Variants in STIP1 observed in about 807,000 individuals in gnomAD.
STIP1 encodes stress-induced-phosphoprotein 1.
In STIP1, 16 loss-of-function variants were observed where a neutral mutation model predicts 77.4. The ratio of observed to expected loss-of-function variants is 0.21; its 90% CI spans 0.14 to 0.31. The LOEUF (loss-of-function observed/expected upper bound fraction) is 0.31, where lower values mean the gene tolerates loss of function less well. Ranked by LOEUF, STIP1 falls within the 10% of genes least tolerant of loss-of-function variation. The probability of loss-of-function intolerance (pLI) is 1.00; values close to 1 mark genes in which losing one functional copy is unlikely to be tolerated. For synonymous variants in STIP1, 258 were observed against 246.6 expected (o/e 1.05, Z -0.44); for missense variants, 524 against 684.8 (o/e 0.77, Z 2.62).
At chr11:64,195,578 G>A (rs1946140162) in intron 4 of STIP1, 67 bp from the exon 5 acceptor site, 1 of 1,437,722 alleles carries the variant, frequency 7.0e-7, no homozygotes, top group Non-Finnish European at 9.3e-7. Flanking sequence ...TAGTAAGTGG[G>A]AGTTAAAAGA....
At chr11:64,186,331 C>CG in intron 1 of STIP1, 61 bp downstream of exon 1, 2 of 154,834 alleles carry the variant, frequency 1.3e-5, no homozygotes, top group Non-Finnish European at 2.4e-5. Context: ...GTGGCCAGGC[C>CG]GCGGTAGGGG....
chr11:64,201,192 A>G (rs529404493), intron 10 of STIP1, among the ~76,000 whole-genome samples: 1 of 152,154 alleles, frequency 6.6e-6, no homozygotes, highest in South Asian at 2.1e-4. Flanking sequence ...GGTGTGCACC[A>G]CTGTACCCAG....
chr11:64,192,875 G>A (rs1432852103), intron 1 of STIP1, among the ~76,000 whole-genome samples: 1 of 152,210 alleles, frequency 6.6e-6, no homozygotes, highest in African/African-American at 2.4e-5. Flanking sequence ...TGCAGCCTGG[G>A]CTCTTTGCCC....
chr11:64,197,783 GGT>G, intron 7 of STIP1, 69 bp from the exon 8 acceptor site: 1 of 1,584,788 alleles, frequency 6.3e-7, no homozygotes, highest in East Asian at 2.2e-5. Context: ...TCTAGCTGCA[GGT>G]GTGTTTTTCT....
intron 1 of STIP1, among the ~76,000 whole-genome samples, chr11:64,187,362 A>G (rs112215479): frequency 2.0e-5 from 3 of 151,974 alleles, no homozygotes; most frequent in African/African-American, 7.2e-5. Context: ...CTCCGGGCCC[A>G]TAACACTTGG....
At chr11:64,195,564 TTAG>T (rs1163940865) in intron 4 of STIP1, 78 bp from the exon 5 acceptor site, 1 of 1,372,298 alleles carries the variant, frequency 7.3e-7, no homozygotes, top group African/African-American at 1.5e-5. Context: ...GAATCTGACT[TTAG>T]TAGTAAGTGG....
At position 64,197,950 on chromosome 11, in the gene STIP1, A is replaced by G; in HGVS notation, c.999A>G (p.Pro333=). Residue 333 remains proline, a synonymous_variant, in exon 8 of 14, where the codon CCA becomes CCG. Transcript: ENST00000305218. ...AGTCTCTGGCAGAGCACCGAACCCC[A>G]GATGTGCTCAAGAAATGCCAGCAGG... ...YNKSLAEHRT[P]DVLKKCQQAE... 6.2e-7 allele frequency: 1 copy of G among 1,613,590 alleles called. No homozygotes were observed. Among genetic ancestry groups the G allele is most frequent in the South Asian group, 1.1e-5 (1 of 91,028 alleles).
At chr11:64,188,395 T>C (rs1946052325) in intron 1 of STIP1, among the ~76,000 whole-genome samples, 1 of 151,946 alleles carries the variant, frequency 6.6e-6, no homozygotes. Flanking sequence ...ATTTATTTTG[T>C]ATTTTTTTTA....
chr11:64,195,940 CTG>C, intron 5 of STIP1, 127 bp downstream of exon 5: 1 of 1,360,314 alleles, frequency 7.4e-7, no homozygotes. Flanking sequence ...CGGAGTCTTG[CTG>C]TGTTTCCCAG....
Position 64,204,248 on chromosome 11 carries a change from A to C in STIP1, c.*122A>C, listed in dbSNP as rs949583012. On this transcript the variant is annotated 3_prime_UTR_variant, in exon 14 of 14. Coordinates refer to ENST00000305218, the MANE Select transcript of STIP1 (RefSeq NM_006819.3). ...AGGCCTCATCTCTCTATATTTATAC[A>C]TAACCCCGGGGAAGACACAGAGACT... 3 of 987,542 alleles carry C rather than the reference A, an allele frequency of 3.0e-6. No homozygotes were observed. Among genetic ancestry groups the C allele is most frequent in the Non-Finnish European group, 4.5e-6 (3 of 663,958 alleles). The allele number at this position is 987,542 out of a possible 1,614,324, so 61.2% of individuals were successfully genotyped here.
chr11:64,201,939 A>G (rs540338783), intron 10 of STIP1, among the ~76,000 whole-genome samples: 1 of 152,368 alleles, frequency 6.6e-6, no homozygotes, highest in East Asian at 1.9e-4. Flanking sequence ...TTTCAAAGAG[A>G]AGAATACATA....
intron 10 of STIP1, among the ~76,000 whole-genome samples, chr11:64,201,336 C>T (rs999480423): frequency 3.9e-5 from 6 of 152,300 alleles, no homozygotes; most frequent in South Asian, 2.1e-4. Context: ...CCACTGCGCC[C>T]GGCCTATGTT....
At chr11:64,193,395 C>T in intron 2 of STIP1, 108 bp downstream of exon 2, 2 of 969,728 alleles carry the variant, frequency 2.1e-6, no homozygotes, top group South Asian at 1.5e-5. Context: ...ACCTACCCAC[C>T]TCCCTGTTTG....
chr11:64,188,211 G>T (rs537443547), intron 1 of STIP1, among the ~76,000 whole-genome samples: 3 of 152,052 alleles, frequency 2.0e-5, no homozygotes, highest in Admixed American at 2.0e-4. Context: ...GCGGGTCATG[G>T]CGCAGGCCTG....
intron 1 of STIP1, among the ~76,000 whole-genome samples, chr11:64,188,183 C>T (rs1946048552): frequency 6.6e-6 from 1 of 151,860 alleles, no homozygotes; most frequent in Admixed American, 6.6e-5. Context: ...CCCCTCTCTA[C>T]TAAAAGTACA....
chr11:64,197,528 C>T lies in STIP1; in HGVS notation c.835C>T (p.Arg279Trp). The T allele has an allele frequency of 1.2e-6, 2 of 1,614,124 alleles. No homozygotes were observed. The highest frequency in any genetic ancestry group is 1.7e-6 in the Non-Finnish European group (2 of 1,180,028). The change falls in exon 7 of 14, where the codon CGG (arginine) becomes TGG (tryptophan). Residue 279 changes from arginine (R) to tryptophan (W), a missense_variant. Transcript: ENST00000305218. ...TGAAAAGGGCGACTACAATAAGTGC[C>T]GGGAGCTTTGTGAGAAGGCCATTGA... ...YFEKGDYNKC[R>W]ELCEKAIEVG...
At chr11:64,201,746 A>C (rs1821903051) in intron 10 of STIP1, among the ~76,000 whole-genome samples, 1 of 152,236 alleles carries the variant, frequency 6.6e-6, no homozygotes. Context: ...GAGGCAAAGA[A>C]TAGCAGGTTG....
intron 10 of STIP1, 182 bp from the exon 11 acceptor site, chr11:64,202,694 G>A (rs1946232695): frequency 1.5e-6 from 1 of 646,988 alleles, no homozygotes; most frequent in Non-Finnish European, 2.8e-6. Context: ...TCAGCCTCTT[G>A]CAGAGTCCAG....
chr11:64,192,510 G>A (rs1289408136), intron 1 of STIP1, among the ~76,000 whole-genome samples: 11 of 152,168 alleles, frequency 7.2e-5, no homozygotes, highest in African/African-American at 2.2e-4. Flanking sequence ...CTATCCTGTG[G>A]TGACATGTTG....
Sources: allele counts gnomAD v4.1 joint callset (sites outside exome capture counted in the v4.1 genomes callset), GRCh38; gene constraint gnomAD v4.1.1; transcripts MANE v1.5; gene names NCBI Gene and HGNC (gene_info 2026-07-23, HGNC 2026-07-21).